The following RASA1 variants were observed in gnomAD, a reference collection of about 807,000 sequenced individuals.
RASA1 encodes the protein ras GTPase-activating protein 1.
Under a neutral mutation model 132.2 loss-of-function variants are expected in RASA1, and 25 were observed. The observed-to-expected ratio is 0.19, with a 90% CI of 0.14 to 0.26. The LOEUF (loss-of-function observed/expected upper bound fraction) is 0.26. Among genes scored for constraint, RASA1 ranks in the 10% least tolerant of loss-of-function variants. RASA1 has a pLI of 1.00. For synonymous variants in RASA1, 477 were observed against 449.9 expected, an observed-to-expected ratio of 1.06 and a Z score of -0.76; for missense variants, 964 against 1,299.2, an observed-to-expected ratio of 0.74 and a Z score of 3.97.
chr5:87,360,781 C>T (rs1760027761), intron 9 of RASA1, among the ~76,000 whole-genome samples: 1 of 152,170 alleles, frequency 6.6e-6, no homozygotes, highest in Non-Finnish European at 1.5e-5. Flanking sequence ...TGAGGTTTAT[C>T]AAAATCAATT....
intron 1 of RASA1, among the ~76,000 whole-genome samples, chr5:87,324,948 A>T (rs1757113403): frequency 6.6e-6 from 1 of 152,004 alleles, no homozygotes; most frequent in African/African-American, 2.4e-5. Flanking sequence ...TTGCTTTTTT[A>T]ATTTTTTTAT....
intron 11 of RASA1, among the ~76,000 whole-genome samples, chr5:87,364,991 G>GGC (rs1255584873): frequency 1.3e-5 from 2 of 152,080 alleles, no homozygotes; most frequent in African/African-American, 4.8e-5. Flanking sequence ...ATGTTGGAGA[G>GGC]GCAACACTAT....
chr5:87,375,259 C>T (rs1261377931), intron 15 of RASA1, among the ~76,000 whole-genome samples: 2 of 151,684 alleles, frequency 1.3e-5, no homozygotes, highest in African/African-American at 4.8e-5. Flanking sequence ...TAGGTTTTTC[C>T]TGCTTTTTTT....
chr5:87,298,760 A>C (rs1029517615), intron 1 of RASA1, among the ~76,000 whole-genome samples: 8 of 152,326 alleles, frequency 5.3e-5, no homozygotes, highest in Non-Finnish European at 1.2e-4. Context: ...TGATGTATTT[A>C]ATCAAAACCT....
intron 5 of RASA1, among the ~76,000 whole-genome samples, chr5:87,339,355 G>C (rs751181322): frequency 1.3e-5 from 2 of 152,072 alleles, no homozygotes; most frequent in Non-Finnish European, 2.9e-5. Context: ...TCCTAGATTA[G>C]TATTCTGTAT....
Position 87,389,451 on chromosome 5 carries a change from T to C in RASA1, c.2984T>C (p.Leu995Ser), listed in dbSNP as rs1284923601. 6.2e-7 allele frequency: 1 copy of C among 1,614,210 alleles called. No individual in the cohort carries two copies. Among genetic ancestry groups the C allele is most frequent in the Non-Finnish European group, 8.5e-7 (1 of 1,180,008 alleles). Residue 995 changes from leucine to serine, a missense_variant, in exon 24 of 25, where the codon TTA becomes TCA. Coordinates refer to ENST00000274376, the MANE Select transcript of RASA1 (RefSeq NM_002890.3). ...TCTAGAACGGACCTGTCCCGTGATTTAGCAGCATTGCATGAGATTTGCGTG... is the reference window on the plus strand; with the variant it reads ...TCTAGAACGGACCTGTCCCGTGATTCAGCAGCATTGCATGAGATTTGCGTG... ...EHSRTDLSRD[L>S]AALHEICVAH...
chr5:87,294,565 G>C (rs1755040318), intron 1 of RASA1: 1 of 152,158 alleles, frequency 6.6e-6, no homozygotes, highest in Non-Finnish European at 1.5e-5. Flanking sequence ...CATCCCAGAA[G>C]TGTTAAATTG....
At chr5:87,317,844 C>T (rs1461200986) in intron 1 of RASA1, among the ~76,000 whole-genome samples, 1 of 152,102 alleles carries the variant, frequency 6.6e-6, no homozygotes, top group African/African-American at 2.4e-5. Context: ...CCATGTTGCC[C>T]AGGCTGGTCT....
intron 18 of RASA1, 96 bp downstream of exon 18, chr5:87,378,634 A>T (rs1761487958): frequency 1.5e-6 from 2 of 1,297,876 alleles, no homozygotes; most frequent in Admixed American, 4.1e-5. Flanking sequence ...AATATATTAA[A>T]TTTCTAAAAT....
intron 2 of RASA1, among the ~76,000 whole-genome samples, 173 bp downstream of exon 2, chr5:87,331,673 C>T (rs1181832672): frequency 2.0e-5 from 3 of 152,092 alleles, no homozygotes; most frequent in Admixed American, 6.5e-5. Flanking sequence ...TGAATGTTTA[C>T]ATTTTTTGTT....
At chr5:87,290,513 TTTACATTAGGGTTTA>T (rs1472876668) in intron 1 of RASA1, among the ~76,000 whole-genome samples, 8 of 152,206 alleles carry the variant, frequency 5.3e-5, no homozygotes, top group African/African-American at 1.9e-4. Flanking sequence ...GTGTTCATAG[TTTACATTAGGGTTTA>T]TTCTTGGCAT....
At chr5:87,365,488 T>G (rs1171988046) in intron 11 of RASA1, among the ~76,000 whole-genome samples, 1 of 152,186 alleles carries the variant, frequency 6.6e-6, no homozygotes, top group Non-Finnish European at 1.5e-5. Context: ...ATGTCTCATT[T>G]TGTTTCTTAC....
chr5:87,348,519 A>G (rs943196311), intron 7 of RASA1, among the ~76,000 whole-genome samples: 2 of 152,020 alleles, frequency 1.3e-5, no homozygotes, highest in Non-Finnish European at 2.9e-5. Flanking sequence ...GAGCATACCT[A>G]TTGAATAAAA....
chr5:87,350,244 A>T (rs928607907), intron 8 of RASA1, among the ~76,000 whole-genome samples: 3 of 151,840 alleles, frequency 2.0e-5, no homozygotes, highest in African/African-American at 4.8e-5. Context: ...GTAAGATGTG[A>T]GTCTAGGCAG....
chr5:87,269,013 G>A (rs766748936), intron 1 of RASA1, 23 bp downstream of exon 1: 234 of 1,614,094 alleles, frequency 1.4e-4, no homozygotes, highest in Admixed American at 2.5e-4. Flanking sequence ...TGCTGTTCAG[G>A]AATTTGGGAA....
At chr5:87,285,914 C>T (rs1468301267) in intron 1 of RASA1, among the ~76,000 whole-genome samples, 2 of 152,028 alleles carry the variant, frequency 1.3e-5, no homozygotes, top group African/African-American at 2.4e-5. Flanking sequence ...CCACCGTGCC[C>T]GGCCAGTCGG....
chr5:87,281,746 A>G (rs1260968031), intron 1 of RASA1, among the ~76,000 whole-genome samples: 3 of 151,772 alleles, frequency 2.0e-5, no homozygotes, highest in African/African-American at 7.3e-5. Flanking sequence ...ACGCCCGGCA[A>G]ATTTTTGTGT....
chr5:87,374,222 T>G lies in RASA1; in HGVS notation c.1836T>G (p.Thr612=). The G allele has an allele frequency of 1.3e-6, 2 of 1,592,290 alleles. No individual in the cohort carries two copies. The highest frequency in any genetic ancestry group is 1.7e-6 in the Non-Finnish European group (2 of 1,167,256). The change falls in exon 14 of 25, where the codon ACT becomes ACG. Residue 612 remains threonine (T), a synonymous_variant. Transcript: ENST00000274376. ...ATAAACTCCCAGTAAAACATTTTAC[T>G]AATCCATATTGTAACATCTACCTGA... The part of the protein sequence containing the change: ...EAHKLPVKHF[T]NPYCNIYLNS...
chr5:87,310,728 G>A (rs2112303689), intron 1 of RASA1, among the ~76,000 whole-genome samples: 1 of 152,238 alleles, frequency 6.6e-6, no homozygotes, highest in South Asian at 2.1e-4. Context: ...AGTCTGTAAA[G>A]TCAAATAATT....
Sources: gnomAD v4.1 joint callset for allele counts (sites outside exome capture counted in the v4.1 genomes callset) on GRCh38, gnomAD v4.1.1 for gene constraint, MANE v1.5 for transcripts, NCBI Gene and HGNC (gene_info 2026-07-23, HGNC 2026-07-21) for gene names.